LRP1B: variants seen among roughly 807,000 people sequenced by gnomAD.
The protein encoded by LRP1B is low-density lipoprotein receptor-related protein 1B.
LRP1B carries 217 observed loss-of-function variants against 556.6 expected under a neutral mutation model. The observed-to-expected ratio is 0.39, with a 90% CI of 0.35 to 0.44. The LOEUF (loss-of-function observed/expected upper bound fraction) is 0.44. Ranked by LOEUF, LRP1B falls within the 20% of genes least tolerant of loss-of-function variation. The pLI is 1.00. For missense variants in LRP1B, 5,053 were observed against 5,620.8 expected (o/e 0.90, Z 3.23); for synonymous variants, 2,047 against 1,865.8 (o/e 1.10, Z -2.50).
intron 35 of LRP1B, among the ~76,000 whole-genome samples, chr2:140,748,591 G>GTGTATATATATATATATATA (rs1361412390): frequency 2.7e-5 from 2 of 73,330 alleles, no homozygotes; most frequent in African/African-American, 5.4e-5. Context: ...TATACAGTGT[G>GTGTATATATATATATATATA]TATATATATA....
chr2:141,704,609 G>GCA (rs1402582849), intron 2 of LRP1B, among the ~76,000 whole-genome samples: 1 of 151,830 alleles, frequency 6.6e-6, no homozygotes, highest in African/African-American at 2.4e-5. Flanking sequence ...CATGCATAAT[G>GCA]CATATTGAGT....
At chr2:141,339,169 T>C (rs1687956562) in intron 3 of LRP1B, among the ~76,000 whole-genome samples, 1 of 151,650 alleles carries the variant, frequency 6.6e-6, no homozygotes, top group African/African-American at 2.4e-5. Context: ...TATATGACTT[T>C]TTTCAAAAAA....
intron 67 of LRP1B, among the ~76,000 whole-genome samples, 198 bp from the exon 68 acceptor site, chr2:140,378,484 A>G (rs1683334303): frequency 1.3e-5 from 2 of 152,222 alleles, no homozygotes. Context: ...TTTTAAAGTC[A>G]TAAGTACAAA....
intron 1 of LRP1B, among the ~76,000 whole-genome samples, chr2:141,985,716 A>G (rs114868818): frequency 0.013 from 1,903 of 151,964 alleles, 11 homozygotes; most frequent in Non-Finnish European, 0.02. Flanking sequence ...TTTTGTCATT[A>G]TCATTCAATT....
intron 84 of LRP1B, among the ~76,000 whole-genome samples, chr2:140,297,513 T>G (rs1316036961): frequency 6.6e-6 from 1 of 152,002 alleles, no homozygotes; most frequent in Non-Finnish European, 1.5e-5. Context: ...GATTTAACTA[T>G]GGTTATGATT....
At chr2:140,263,743 C>A (rs972493513) in intron 86 of LRP1B, among the ~76,000 whole-genome samples, 1 of 151,946 alleles carries the variant, frequency 6.6e-6, no homozygotes. Context: ...CTATCTGAGA[C>A]CTCACCAGAA....
chr2:142,128,223 G>A (rs1488444068), intron 1 of LRP1B, among the ~76,000 whole-genome samples: 5 of 152,118 alleles, frequency 3.3e-5, no homozygotes. Flanking sequence ...GAAAAACACA[G>A]CTAGAAGGTA....
At chr2:140,747,178 C>A (rs772975078) in intron 35 of LRP1B, among the ~76,000 whole-genome samples, 21 of 152,080 alleles carry the variant, frequency 1.4e-4, no homozygotes, top group Non-Finnish European at 2.6e-4. Context: ...CAATGCTAGG[C>A]AGGAGCAGCT....
chr2:141,326,249 TGTAA>T (rs1687423580), intron 3 of LRP1B, among the ~76,000 whole-genome samples: 1 of 152,120 alleles, frequency 6.6e-6, no homozygotes, highest in Admixed American at 6.6e-5. Context: ...CAAGATGCGA[TGTAA>T]GTGATTTGAT....
chr2:141,354,148 C>G (rs984690706), intron 3 of LRP1B, among the ~76,000 whole-genome samples: 1 of 151,844 alleles, frequency 6.6e-6, no homozygotes, highest in Admixed American at 6.6e-5. Flanking sequence ...ATCTGTACAC[C>G]AAACCCCCAC....
intron 41 of LRP1B, among the ~76,000 whole-genome samples, chr2:140,684,067 TTAA>T (rs1294231618): frequency 1.3e-5 from 2 of 152,186 alleles, no homozygotes; most frequent in African/African-American, 4.8e-5. Flanking sequence ...AATATATATT[TTAA>T]TAATACCAAT....
At chr2:140,902,727 T>A (rs965344762) in intron 23 of LRP1B, among the ~76,000 whole-genome samples, 193 bp downstream of exon 23, 6 of 152,198 alleles carry the variant, frequency 3.9e-5, no homozygotes, top group African/African-American at 1.2e-4. Context: ...AACAATTCAA[T>A]GGATAGCAAA....
chr2:140,689,960 T>C (rs1441478568), intron 41 of LRP1B, among the ~76,000 whole-genome samples: 2 of 152,126 alleles, frequency 1.3e-5, no homozygotes, highest in Non-Finnish European at 2.9e-5. Context: ...TTATGTCTTG[T>C]TATGGTTTTA....
At chr2:141,486,691 C>T (rs116953442) in intron 2 of LRP1B, among the ~76,000 whole-genome samples, 1 of 152,106 alleles carries the variant, frequency 6.6e-6, no homozygotes, top group East Asian at 1.9e-4. Context: ...TCTATTTTCC[C>T]AATATTTCAA....
Position 141,136,080 on chromosome 2 carries a change from C to A in LRP1B, c.1013+52341G>T, listed in dbSNP as rs189687213. Among the ~76,000 whole-genome samples, 3 of 151,874 alleles carry A rather than the reference C, an allele frequency of 2.0e-5. No individual in the cohort carries two copies. In the East Asian group the frequency reaches 5.8e-4, roughly 29 times the overall value. Reference sequence around the variant, plus strand: ...AGACCAGATGAAACTATGAAGTATACCAACAAATTCAATTAGAACATATTA... The same window carrying A: ...AGACCAGATGAAACTATGAAGTATAACAACAAATTCAATTAGAACATATTA... On this transcript the variant is annotated intron_variant, in intron 7 of 90. Transcript: ENST00000389484.
At chr2:140,473,886 C>T (rs531472785) in intron 60 of LRP1B, among the ~76,000 whole-genome samples, 2 of 151,874 alleles carry the variant, frequency 1.3e-5, no homozygotes, top group Admixed American at 6.6e-5. Context: ...ATTATTGATT[C>T]TTTGGGGGAG....
intron 1 of LRP1B, among the ~76,000 whole-genome samples, chr2:141,861,701 G>T (rs1051358019): frequency 4.6e-5 from 7 of 152,166 alleles, no homozygotes; most frequent in Non-Finnish European, 7.3e-5. Flanking sequence ...AGGCCGTAGC[G>T]GGTGGATGAC....
At chr2:140,752,523 C>T (rs1474357186) in intron 35 of LRP1B, among the ~76,000 whole-genome samples, 1 of 151,988 alleles carries the variant, frequency 6.6e-6, no homozygotes, top group South Asian at 2.1e-4. Context: ...CAGGGTTTTG[C>T]CATATTGGCC....
intron 47 of LRP1B, among the ~76,000 whole-genome samples, chr2:140,529,535 T>A (rs774366639): frequency 3.3e-5 from 5 of 151,926 alleles, no homozygotes; most frequent in Admixed American, 6.6e-5. Flanking sequence ...GTTCTAAGGG[T>A]GCACAAATCT....
Sources: gnomAD v4.1 joint callset for allele counts (sites outside exome capture counted in the v4.1 genomes callset) on GRCh38, gnomAD v4.1.1 for gene constraint, MANE v1.5 for transcripts, NCBI Gene and HGNC (gene_info 2026-07-23, HGNC 2026-07-21) for gene names.